The following BRPF1 variants were observed in gnomAD, a reference collection of about 807,000 sequenced individuals.
BRPF1 encodes bromodomain and PHD finger containing 1.
BRPF1 carries 15 observed loss-of-function variants against 115.0 expected under a neutral mutation model. That is an observed-to-expected ratio of 0.13 (90% CI 0.09 to 0.20). BRPF1 has a LOEUF of 0.20. BRPF1 is among the 10% of genes least tolerant of loss of function. The pLI is 1.00. For missense variants in BRPF1, 1,118 were observed against 1,638.3 expected (o/e 0.68, Z 5.48); for synonymous variants, 647 against 619.8 (o/e 1.04, Z -0.65).
At chr3:9,741,956 C>G (rs2077039018) in intron 5 of BRPF1, 69 bp from the exon 6 acceptor site, 1 of 1,583,042 alleles carries the variant, frequency 6.3e-7, no homozygotes, top group Non-Finnish European at 8.6e-7. Flanking sequence ...CCAGCTGGGA[C>G]CATATCCTCA....
chr3:9,741,778 G>A (rs192995930), intron 5 of BRPF1, among the ~76,000 whole-genome samples: 28 of 152,216 alleles, frequency 1.8e-4, no homozygotes, highest in Admixed American at 1.6e-3. Flanking sequence ...TCACAGGAGC[G>A]TATGAACAGA....
rs1299204831 is a variant in BRPF1 at position 9,746,318 on chromosome 3, C to T, written c.3343C>T (p.Pro1115Ser). Residue 1115 changes from proline to serine, a missense_variant, in exon 13 of 14, where the codon CCC becomes TCC. Transcript: ENST00000383829. ...YPALIIDPKM[P>S]REGMFHHGVP... ...TCCTCAGATCATTGATCCAAAGATG[C>T]CCCGAGAAGGTATGTTCCACCATGG... 1 of 1,572,182 alleles carries T rather than the reference C, an allele frequency of 6.4e-7. No homozygotes were observed. The highest frequency in any genetic ancestry group is 1.8e-5 in the Admixed American group (1 of 54,510).
At chr3:9,738,976 T>C (rs1190233217) in intron 2 of BRPF1, 23 bp from the exon 3 acceptor site, 1 of 1,525,696 alleles carries the variant, frequency 6.6e-7, no homozygotes, top group African/African-American at 1.4e-5. Flanking sequence ...CATGTGATGC[T>C]GAGTTCCCTG....
intron 12 of BRPF1, 65 bp from the exon 13 acceptor site, chr3:9,746,235 C>T: frequency 2.0e-6 from 3 of 1,484,246 alleles, no homozygotes; most frequent in Non-Finnish European, 2.7e-6. Flanking sequence ...TCTCTAAGTT[C>T]TTGAGGAGGA....
chr3:9,745,399 CCT>C lies in BRPF1; in HGVS notation c.3069-171_3069-170del, dbSNP rs1287957046. Among the ~76,000 whole-genome samples, 1 of 152,270 alleles carries C rather than the reference CCT, an allele frequency of 6.6e-6. No individual in the cohort carries two copies. The highest frequency in any genetic ancestry group is 1.5e-5 in the Non-Finnish European group (1 of 68,048). On this transcript the variant is annotated intron_variant, in intron 10 of 13. Transcript: ENST00000383829. This position sits in a 1 kb window ranked among gnomAD's most constrained non-coding sequence, Gnocchi z 5.1. ...TGCCGCCACTGCTCAGGCTAACCCA[CCT>C]CTGTTAGGTCATCAGCCTAGCCCCT...
rs565916823 is a variant in BRPF1 at position 9,734,071 on chromosome 3, C to G, written c.-10-60C>G. 145 of 1,520,758 alleles carry G rather than the reference C, an allele frequency of 9.5e-5. No homozygotes were observed. The highest frequency in any genetic ancestry group is 1.2e-4 in the Non-Finnish European group (131 of 1,136,224). 94.2% of individuals were successfully genotyped at this position (1,520,758 alleles called of 1,614,324 possible). ...GGGAGGGCTAGAAAGACTGGGGTCT[C>G]TGGTGCAAATGGCCAGGAACTCATC... On this transcript the variant is annotated intron_variant, in intron 1 of 13. Coordinates refer to ENST00000383829, the MANE Select transcript of BRPF1 (RefSeq NM_001003694.2). This position sits in a 1 kb window ranked among gnomAD's most constrained non-coding sequence, Gnocchi z 5.7.
intron 9 of BRPF1, 78 bp downstream of exon 9, chr3:9,744,586 T>A: frequency 8.9e-7 from 1 of 1,127,046 alleles, no homozygotes; most frequent in Non-Finnish European, 1.2e-6. Context: ...CAGTTACCCC[T>A]TTATTTGCCC....
chr3:9,741,187 CT>C (rs995709909), intron 4 of BRPF1, 120 bp from the exon 5 acceptor site: 2 of 1,283,232 alleles, frequency 1.6e-6, no homozygotes, highest in African/African-American at 3.0e-5. Context: ...GATTGAGGCA[CT>C]ACCAATAAAT....
chr3:9,734,305 A>G lies in BRPF1; in HGVS notation c.165A>G (p.Gln55=), dbSNP rs1575146343. 1 of 1,613,908 alleles carries G rather than the reference A, an allele frequency of 6.2e-7. No individual in the cohort carries two copies. Among genetic ancestry groups the G allele is most frequent in the Non-Finnish European group, 8.5e-7 (1 of 1,179,980 alleles). ...YDHDNPPPPQ[Q]TPLRKHKKKG... is the part of the protein sequence containing the mutation. ...ACGACAACCCACCACCCCCACAACA[A>G]ACTCCACTCCGCAAGCACAAGAAAA... The change falls in exon 2 of 14, where the codon CAA becomes CAG. Residue 55 remains glutamine, a synonymous_variant. Coordinates refer to ENST00000383829, the MANE Select transcript of BRPF1 (RefSeq NM_001003694.2). The surrounding 1 kb of genome is among the most constrained non-coding windows in gnomAD (Gnocchi z 5.7).
Position 9,739,151 on chromosome 3 carries a change from G to T in BRPF1, c.752G>T (p.Arg251Leu). The change falls in exon 3 of 14, where the codon CGA becomes CTA. Residue 251 changes from arginine to leucine, a missense_variant. Around this residue, in one of 10 missense-constraint regions of BRPF1, gnomAD observed 280 missense variants for 382.8 expected, o/e 0.73. Coordinates refer to ENST00000383829, the MANE Select transcript of BRPF1 (RefSeq NM_001003694.2). ...PQEIFEYLMD[R>L]LEKESYFESH... is the part of the protein sequence containing the mutation. ...GAGATCTTTGAGTACCTAATGGACC[G>T]ACTGGAGAAGGAGTCGTACTTTGAG... The T allele has an allele frequency of 6.2e-7, 1 of 1,613,984 alleles. No individual in the cohort carries two copies. The highest frequency in any genetic ancestry group is 8.5e-7 in the Non-Finnish European group (1 of 1,179,930).
rs1311782072 is a variant in BRPF1, at chr3:9,739,411, G to A, written c.1012G>A (p.Gly338Ser). Reference protein sequence around the residue: ...VDCALCPNKGGAFKQTDDGRW... With the variant: ...VDCALCPNKGSAFKQTDDGRW... ...TTGTGCCCTGTGCCCCAACAAGGGC[G>A]GTGCCTTCAAGCAGACAGATGACGG... The change falls in exon 3 of 14, where the codon GGT (glycine) becomes AGT (serine). Residue 338 changes from glycine to serine, a missense_variant. By Grantham distance (56) the Gly-to-Ser change is moderately conservative (BLOSUM62 0). Around this residue, in one of 10 missense-constraint regions of BRPF1, gnomAD observed 64 missense variants for 172.8 expected, o/e 0.37. Coordinates refer to ENST00000383829, the MANE Select transcript of BRPF1 (RefSeq NM_001003694.2). 9.9e-6 allele frequency: 16 copies of A among 1,614,056 alleles called. No homozygotes were observed. The highest frequency in any genetic ancestry group is 2.2e-5 in the East Asian group (1 of 44,892).
chr3:9,744,882 C>A, intron 9 of BRPF1, 126 bp from the exon 10 acceptor site: 1 of 1,326,252 alleles, frequency 7.5e-7, no homozygotes, highest in Non-Finnish European at 1.1e-6. Context: ...CTCTGCTGGC[C>A]AAGGTTGGAG....
At chr3:9,738,244 T>C (rs943863926) in intron 2 of BRPF1, among the ~76,000 whole-genome samples, 6 of 152,198 alleles carry the variant, frequency 3.9e-5, no homozygotes, top group Non-Finnish European at 7.3e-5. Context: ...TCCCTTGTTA[T>C]GTGACCTATC....
intron 2 of BRPF1, among the ~76,000 whole-genome samples, chr3:9,735,986 A>T (rs1379904689): frequency 6.6e-6 from 1 of 151,134 alleles, no homozygotes; most frequent in African/African-American, 2.4e-5. Context: ...AGTGCAGTCC[A>T]CATGATGTTA....
rs142175258 is a variant in BRPF1, at chr3:9,740,890, A to C, written c.1671A>C (p.Leu557=). Residue 557 remains leucine, a synonymous_variant, in exon 4 of 14, where the codon CTA becomes CTC. Transcript: ENST00000383829. ...KRQSRNGVPL[L]RRLQTHLQSQ... ...AGTCACGGAATGGGGTCCCATTGCT[A>C]CGTCGCCTGCAGACACACCTGCAAT... 1 of 1,613,798 alleles carries C rather than the reference A, an allele frequency of 6.2e-7. No individual in the cohort carries two copies. Among genetic ancestry groups the C allele is most frequent in the Non-Finnish European group, 8.5e-7 (1 of 1,180,044 alleles).
Position 9,747,356 on chromosome 3 carries a change from T to G in BRPF1, c.*7T>G. ...GACCAGCGATAGTGATTGATACTGC[T>G]CAACACAGCCCAACCTATAGTGCCC... On this transcript the variant is annotated 3_prime_UTR_variant, in exon 14 of 14. Transcript: ENST00000383829. The surrounding 1 kb of genome is among the most constrained non-coding windows in gnomAD (Gnocchi z 5.6). 1 of 1,612,310 alleles carries G rather than the reference T, an allele frequency of 6.2e-7. No homozygotes were observed.
At chr3:9,738,967 A>G (rs2076985671) in intron 2 of BRPF1, 32 bp from the exon 3 acceptor site, 2 of 1,522,584 alleles carry the variant, frequency 1.3e-6, no homozygotes, top group African/African-American at 1.4e-5. Context: ...AATCTCAACC[A>G]TGTGATGCTG....
chr3:9,741,032 C>T, intron 4 of BRPF1, 91 bp downstream of exon 4: 1 of 1,370,358 alleles, frequency 7.3e-7, no homozygotes, highest in Non-Finnish European at 1.0e-6. Flanking sequence ...TGTCAGAGGG[C>T]TTAGACTCTT....
chr3:9,746,698 A>G (rs538126819), intron 13 of BRPF1, among the ~76,000 whole-genome samples: 1 of 152,274 alleles, frequency 6.6e-6, no homozygotes, highest in East Asian at 1.9e-4. Flanking sequence ...TATGACAAAT[A>G]TAGAGGTGGC....
Sources: allele counts gnomAD v4.1 joint callset (sites outside exome capture counted in the v4.1 genomes callset), GRCh38; gene constraint gnomAD v4.1.1; regional missense constraint gnomAD v4.1.1; non-coding constraint Gnocchi (gnomAD v3.1); transcripts MANE v1.5; gene names NCBI Gene and HGNC (gene_info 2026-07-23, HGNC 2026-07-21).